The following ESRRG variants were observed in gnomAD, a reference collection of about 807,000 sequenced individuals.
ESRRG encodes the protein estrogen-related receptor gamma.
Under a neutral mutation model 44.0 loss-of-function variants are expected in ESRRG, and 13 were observed. The observed-to-expected ratio is 0.30, with a 90% CI of 0.19 to 0.47. ESRRG has a LOEUF of 0.47. Ranked by LOEUF, ESRRG falls within the 20% of genes least tolerant of loss-of-function variation. The pLI is 1.00. For synonymous variants in ESRRG, 215 were observed against 214.6 expected, an observed-to-expected ratio of 1.00 and a Z score of -0.02; for missense variants, 395 against 580.6, an observed-to-expected ratio of 0.68 and a Z score of 3.29.
At chr1:216,981,177 T>A (rs1425742010) in intron 1 of ESRRG, among the ~76,000 whole-genome samples, 7 of 152,232 alleles carry the variant, frequency 4.6e-5, no homozygotes, top group Non-Finnish European at 8.8e-5. Flanking sequence ...GGGAGTTATG[T>A]ATATATCTGT....
intron 3 of ESRRG, among the ~76,000 whole-genome samples, chr1:216,637,629 T>C (rs2065555389): frequency 6.6e-6 from 1 of 152,258 alleles, no homozygotes; most frequent in Non-Finnish European, 1.5e-5. Flanking sequence ...GATTGAATCC[T>C]GGCTTTACCA....
At chr1:216,528,834 TC>T (rs1487453806) in intron 5 of ESRRG, among the ~76,000 whole-genome samples, 1 of 152,032 alleles carries the variant, frequency 6.6e-6, no homozygotes. Flanking sequence ...ACATAAGGCG[TC>T]CCCTTCTCAG....
intron 1 of ESRRG, among the ~76,000 whole-genome samples, chr1:217,133,655 C>CTTTCTTTCTTTCT (rs1208135563): frequency 1.6e-5 from 1 of 63,646 alleles, no homozygotes; most frequent in African/African-American, 7.7e-5. Flanking sequence ...CTCTTTCTTT[C>CTTTCTTTCTTTCT]TTTCTTTCTT....
At chr1:216,931,625 T>C (rs1329979830) in intron 2 of ESRRG, among the ~76,000 whole-genome samples, 2 of 152,030 alleles carry the variant, frequency 1.3e-5, no homozygotes, top group Non-Finnish European at 2.9e-5. Context: ...TCCTCAGGGT[T>C]CTCCTGGGAC....
intron 3 of ESRRG, among the ~76,000 whole-genome samples, chr1:216,590,454 C>A (rs1464385230): frequency 6.6e-6 from 1 of 152,114 alleles, no homozygotes; most frequent in East Asian, 1.9e-4. Flanking sequence ...ATGTTAAGAA[C>A]AGACAAAATA....
intron 2 of ESRRG, among the ~76,000 whole-genome samples, chr1:216,857,448 C>A (rs1022960646): frequency 1.3e-5 from 2 of 151,824 alleles, no homozygotes; most frequent in African/African-American, 4.8e-5. Context: ...TGTCTAGGAC[C>A]AATTTCACTT....
intron 5 of ESRRG, among the ~76,000 whole-genome samples, chr1:216,550,397 T>C (rs1467080074): frequency 6.6e-6 from 1 of 152,170 alleles, no homozygotes; most frequent in Admixed American, 6.6e-5. Flanking sequence ...GTCTGATGGA[T>C]TGATTTGATT....
chr1:216,847,021 TA>T (rs2095762297), intron 2 of ESRRG, among the ~76,000 whole-genome samples: 1 of 152,068 alleles, frequency 6.6e-6, no homozygotes, highest in Admixed American at 6.6e-5. Context: ...TCCTTCCAGG[TA>T]AATAATTCAA....
At chr1:216,914,552 A>T (rs2060899822) in intron 2 of ESRRG, among the ~76,000 whole-genome samples, 1 of 152,198 alleles carries the variant, frequency 6.6e-6, no homozygotes, top group South Asian at 2.1e-4. Context: ...AAAGACTTTG[A>T]CCATGTAAAC....
chr1:216,994,863 G>A (rs1579220387), intron 1 of ESRRG, among the ~76,000 whole-genome samples: 2 of 152,102 alleles, frequency 1.3e-5, no homozygotes, highest in Middle Eastern at 3.2e-3. Context: ...GGGATTACAG[G>A]TGTGAGCCAC....
At chr1:216,684,634 G>A (rs937612170) in intron 1 of ESRRG, among the ~76,000 whole-genome samples, 1 of 152,152 alleles carries the variant, frequency 6.6e-6, no homozygotes, top group African/African-American at 2.4e-5. Flanking sequence ...TATATGAACC[G>A]TGATTCTGCT....
Position 216,677,491 on chromosome 1 carries a change from C to T in ESRRG, c.57G>A (p.Glu19=). ...PESFSLHYEE[E]LLCRMSNKDR... is the part of the protein sequence containing the mutation. ...CTTTGTTTGACATTCTGCAGAGAAG[C>T]CTGAGATTGAGGAGATACAAAGAGA... The change falls in exon 2 of 7, where the codon GAG becomes GAA. Residue 19 remains glutamate, a splice_region_variant and synonymous_variant. Transcript: ENST00000408911. 6.3e-7 allele frequency: 1 copy of T among 1,599,916 alleles called. No homozygotes were observed. Among genetic ancestry groups the T allele is most frequent in the Non-Finnish European group, 8.5e-7 (1 of 1,171,690 alleles).
At chr1:217,117,825 C>T (rs2092752527) in intron 1 of ESRRG, among the ~76,000 whole-genome samples, 1 of 152,162 alleles carries the variant, frequency 6.6e-6, no homozygotes, top group Middle Eastern at 3.4e-3. Context: ...TCGATACTGT[C>T]ATTACTTTTA....
chr1:216,988,349 T>C (rs1245402682), intron 1 of ESRRG, among the ~76,000 whole-genome samples: 2 of 152,208 alleles, frequency 1.3e-5, no homozygotes, highest in Non-Finnish European at 2.9e-5. Flanking sequence ...ACTTTTTGGA[T>C]TACCTGTAAA....
intron 1 of ESRRG, among the ~76,000 whole-genome samples, chr1:216,717,769 A>T (rs942239259): frequency 6.6e-6 from 1 of 151,830 alleles, no homozygotes; most frequent in Non-Finnish European, 1.5e-5. Context: ...TATAATACTT[A>T]TAGTTTTATA....
chr1:216,540,366 C>G (rs905824646), intron 5 of ESRRG, among the ~76,000 whole-genome samples: 2 of 151,884 alleles, frequency 1.3e-5, no homozygotes, highest in African/African-American at 4.8e-5. Context: ...AAATATCAGA[C>G]TTATAATTAA....
intron 3 of ESRRG, among the ~76,000 whole-genome samples, chr1:216,631,026 T>A (rs543096949): frequency 6.6e-6 from 1 of 151,602 alleles, no homozygotes. Context: ...GGAAAAATGA[T>A]GATGAAACAC....
intron 2 of ESRRG, among the ~76,000 whole-genome samples, chr1:216,758,707 T>C (rs1258717499): frequency 6.6e-6 from 1 of 151,984 alleles, no homozygotes. Context: ...GGAATCCTGA[T>C]AAAAGGCTAA....
At chr1:217,053,953 C>A (rs2086604517) in intron 1 of ESRRG, among the ~76,000 whole-genome samples, 1 of 151,674 alleles carries the variant, frequency 6.6e-6, no homozygotes, top group South Asian at 2.1e-4. Flanking sequence ...TCCTCAGCAG[C>A]TGTGAAGTTG....
Sources: gnomAD v4.1 joint callset for allele counts (sites outside exome capture counted in the v4.1 genomes callset) on GRCh38, gnomAD v4.1.1 for gene constraint, MANE v1.5 for transcripts, NCBI Gene and HGNC (gene_info 2026-07-23, HGNC 2026-07-21) for gene names.